RBM44: variants seen among roughly 807,000 people sequenced by gnomAD.
RBM44 encodes the protein RNA binding motif protein 44, also known as RNA-binding protein 44.
RBM44 carries 66 observed loss-of-function variants against 105.1 expected under a neutral mutation model. That is an observed-to-expected ratio of 0.63 (90% confidence interval 0.52 to 0.77). The LOEUF is 0.77. RBM44 is among the 30% of genes least tolerant of loss of function. The pLI, the probability that RBM44 is intolerant of heterozygous loss-of-function variation, is 0.00. For missense variants in RBM44, 1,122 were observed against 1,207.8 expected (o/e 0.93, Z 1.05); for synonymous variants, 365 against 417.6 (o/e 0.87, Z 1.54).
In RBM44 at chr2:237,823,441, T is replaced by C. The variant is rs1305273294; in HGVS notation, c.2207T>C (p.Met736Thr). ...TGTTTTTATTATCTTAATCCTCAGA[T>C]GTCTTTATCATCTGACAATAGTCAT... ...SSNLKKTLSQ[M>T]SLSSDNSHAT... is the part of the protein sequence containing the mutation. The change falls in exon 9 of 16, where the codon ATG (methionine) becomes ACG (threonine). Residue 736 changes from methionine (M) to threonine (T), a missense_variant and splice_region_variant. Met to Thr is a moderately conservative substitution (Grantham distance 81). Around this residue, in one of 3 missense-constraint regions of RBM44, gnomAD observed 918 missense variants for 955.3 expected, o/e 0.96. Transcript: ENST00000316997. 2 of 1,360,084 alleles carry C rather than the reference T, an allele frequency of 1.5e-6. No individual in the cohort carries two copies. Among genetic ancestry groups the C allele is most frequent in the South Asian group, 2.5e-5 (2 of 78,670 alleles). 84.3% of individuals were successfully genotyped at this position (1,360,084 alleles called of 1,614,324 possible).
intron 10 of RBM44, among the ~76,000 whole-genome samples, chr2:237,824,652 G>T (rs60418799): frequency 6.6e-6 from 1 of 152,044 alleles, no homozygotes; most frequent in African/African-American, 2.4e-5. Context: ...GTAGATACCC[G>T]CATTCTTCCT....
intron 2 of RBM44, among the ~76,000 whole-genome samples, chr2:237,815,831 T>C (rs189342256): frequency 6.6e-6 from 1 of 152,220 alleles, no homozygotes; most frequent in Admixed American, 6.5e-5. Context: ...GTCTCTTCTT[T>C]AGTCCCACCT....
chr2:237,840,187 CAAAAAAAAAA>C (rs34666443), intron 15 of RBM44, among the ~76,000 whole-genome samples: 5 of 64,914 alleles, frequency 7.7e-5, no homozygotes, highest in Non-Finnish European at 8.5e-5. Flanking sequence ...GACTCTATCT[CAAAAAAAAAA>C]AAAAAAAAAA....
rs770786691 is a variant in RBM44, at chr2:237,821,771, A to C, written c.2149A>C (p.Asn717His). Reference sequence around the variant, plus strand: ...TTCAGAAGCAGATGCTGAACAAGATAATCAGAGGGCTCATGATGTTGATGT... The same window carrying C: ...TTCAGAAGCAGATGCTGAACAAGATCATCAGAGGGCTCATGATGTTGATGT... The part of the protein sequence containing the change: ...VFSEADAEQD[N>H]QRAHDVDVSS... Residue 717 changes from asparagine to histidine, a missense_variant, in exon 8 of 16, where the codon AAT (asparagine) becomes CAT (histidine). Transcript: ENST00000316997. The C allele has an allele frequency of 8.1e-6, 13 of 1,611,118 alleles. No individual in the cohort carries two copies. Among genetic ancestry groups the C allele is most frequent in the South Asian group, 1.1e-5 (1 of 90,954 alleles).
At chr2:237,828,615 C>T (rs2061872495) in intron 12 of RBM44, among the ~76,000 whole-genome samples, 1 of 152,050 alleles carries the variant, frequency 6.6e-6, no homozygotes. Flanking sequence ...AGCCACTCTT[C>T]CCGGGATTTG....
chr2:237,831,885 A>T (rs891149473), intron 13 of RBM44, among the ~76,000 whole-genome samples: 8 of 152,252 alleles, frequency 5.3e-5, no homozygotes, highest in African/African-American at 1.7e-4. Flanking sequence ...GAAGGAAGGA[A>T]ATAAAGTGCA....
intron 1 of RBM44, among the ~76,000 whole-genome samples, chr2:237,802,023 T>A (rs776525160): frequency 3.3e-5 from 5 of 152,238 alleles, no homozygotes; most frequent in Non-Finnish European, 7.3e-5. Flanking sequence ...AACTAGCAGT[T>A]TGAAAAACTC....
At chr2:237,833,745 A>C (rs928051484) in intron 13 of RBM44, among the ~76,000 whole-genome samples, 2 of 152,128 alleles carry the variant, frequency 1.3e-5, no homozygotes, top group African/African-American at 2.4e-5. Context: ...CTGGTTGAGA[A>C]AGCCTTATTT....
rs566994744 is a variant in RBM44 at position 237,820,161 on chromosome 2, T to C, written c.1737-14T>C. The C allele has an allele frequency of 2.8e-6, 4 of 1,450,298 alleles. No homozygotes were observed. The South Asian group carries it at 5.4e-5, about 19-fold the overall frequency. 89.8% of individuals were successfully genotyped at this position (1,450,298 alleles called of 1,614,324 possible). A position where few individuals can be genotyped will look rare whatever the true frequency, so the allele number is the denominator to read the frequency against. ...GTTTGGAATCTTACCTGATCCTATC[T>C]TTTATTTTTAAAGGGAATTTCAACT... On this transcript the variant is annotated splice_polypyrimidine_tract_variant and intron_variant, in intron 4 of 15. Transcript: ENST00000316997.
Position 237,821,260 on chromosome 2 carries a change from T to C in RBM44, c.2097+6T>C. 1.3e-6 allele frequency: 2 copies of C among 1,575,580 alleles called. No individual in the cohort carries two copies. The highest frequency in any genetic ancestry group is 1.7e-6 in the Non-Finnish European group (2 of 1,160,978). On this transcript the variant is annotated splice_donor_region_variant and intron_variant, in intron 6 of 15. Coordinates refer to ENST00000316997, the MANE Select transcript of RBM44 (RefSeq NM_001080504.3). ...TCTCTACTTTTGCTTCCAGGGTATG[T>C]ATATATGTTTTAGAAATAAAAAATT...
intron 7 of RBM44, 49 bp from the exon 8 acceptor site, chr2:237,821,694 C>G: frequency 7.7e-7 from 1 of 1,304,458 alleles, no homozygotes; most frequent in Non-Finnish European, 1.1e-6. Flanking sequence ...AGTCACCTTA[C>G]TCTGTTATCA....
intron 15 of RBM44, among the ~76,000 whole-genome samples, chr2:237,839,527 C>T (rs1158624408): frequency 7.3e-6 from 1 of 136,492 alleles, no homozygotes; most frequent in African/African-American, 2.6e-5. Context: ...CCTTGGCCTC[C>T]CAAAGTGCTA....
At chr2:237,811,199 C>T (rs959489815) in intron 1 of RBM44, among the ~76,000 whole-genome samples, 2 of 152,158 alleles carry the variant, frequency 1.3e-5, no homozygotes, top group Admixed American at 1.3e-4. Context: ...CATACAAATA[C>T]ATATCCACAA....
intron 13 of RBM44, among the ~76,000 whole-genome samples, chr2:237,831,667 T>C (rs2061904414): frequency 6.6e-6 from 1 of 152,222 alleles, no homozygotes; most frequent in African/African-American, 2.4e-5. Flanking sequence ...GTCCCGATAA[T>C]CTGACTTCAG....
At chr2:237,801,961 T>G (rs2061550676) in intron 1 of RBM44, among the ~76,000 whole-genome samples, 1 of 152,240 alleles carries the variant, frequency 6.6e-6, no homozygotes, top group Admixed American at 6.5e-5. Flanking sequence ...ATTGCTTTTT[T>G]TCCTTTTTTC....
intron 5 of RBM44, 160 bp from the exon 6 acceptor site, chr2:237,820,911 G>C (rs2061780204): frequency 1.9e-6 from 1 of 518,766 alleles, no homozygotes; most frequent in South Asian, 3.3e-5. Context: ...AAATTAGCTG[G>C]GCATTGTGGC....
Position 237,821,329 on chromosome 2 carries a change from C to G in RBM44, c.2098-17C>G. The stretch of plus-strand genomic sequence containing the variant: ...ACATTTTAAACAAAGATTTTTTTTC[C>G]TTTTCTCTCCTTCCAGCTAATGAAA... On this transcript the variant is annotated splice_polypyrimidine_tract_variant and intron_variant, in intron 6 of 15. Coordinates refer to ENST00000316997, the MANE Select transcript of RBM44 (RefSeq NM_001080504.3). 6.4e-7 allele frequency: 1 copy of G among 1,551,218 alleles called. No homozygotes were observed. Among genetic ancestry groups the G allele is most frequent in the Non-Finnish European group, 8.7e-7 (1 of 1,148,200 alleles).
intron 13 of RBM44, among the ~76,000 whole-genome samples, chr2:237,832,101 C>T (rs1311748016): frequency 6.6e-6 from 1 of 151,720 alleles, no homozygotes; most frequent in Non-Finnish European, 1.5e-5. Flanking sequence ...TCTGTATTTT[C>T]AATTCAAGTC....
At chr2:237,816,946 A>G (rs1241717331) in intron 2 of RBM44, 47 bp from the exon 3 acceptor site, 23 of 1,189,310 alleles carry the variant, frequency 1.9e-5, no homozygotes, top group Non-Finnish European at 2.7e-5. Context: ...TCTAGTGTCT[A>G]GATTCTGTAA....
Sources: allele counts gnomAD v4.1 joint callset (sites outside exome capture counted in the v4.1 genomes callset), GRCh38; gene constraint gnomAD v4.1.1; regional missense constraint gnomAD v4.1.1; transcripts MANE v1.5; gene names NCBI Gene and HGNC (gene_info 2026-07-23, HGNC 2026-07-21).